NLGN1: variants seen among roughly 807,000 people sequenced by gnomAD.
NLGN1 encodes neuroligin 1, also known as neuroligin-1.
In NLGN1, 12 loss-of-function variants were observed where a neutral mutation model predicts 65.5. The ratio of observed to expected loss-of-function variants is 0.18; its 90% CI spans 0.12 to 0.30. The LOEUF (loss-of-function observed/expected upper bound fraction) is 0.30, where lower values mean the gene tolerates loss of function less well. Ranked by LOEUF, NLGN1 falls within the 10% of genes least tolerant of loss-of-function variation. NLGN1 has a pLI of 1.00. For synonymous variants in NLGN1, 350 were observed against 359.5 expected (o/e 0.97, Z 0.30); for missense variants, 750 against 1,007.1 (o/e 0.74, Z 3.46).
chr3:173,956,514 T>C lies in NLGN1; in HGVS notation c.646+148682T>C, dbSNP rs1410169253. On this transcript the variant is annotated intron_variant, in intron 4 of 6. Transcript: ENST00000457714. ...AAAATAAAATTTTATGTGTCCTAAA[T>C]TTAATTATATTTTATGAAACATTAA... 2.6e-5 allele frequency among the ~76,000 whole-genome samples: 4 copies of C among 152,308 alleles called. No homozygotes were observed. The East Asian group carries it at 7.7e-4, about 29-fold the overall frequency.
At chr3:173,720,699 C>G (rs559821809) in intron 3 of NLGN1, among the ~76,000 whole-genome samples, 6 of 152,116 alleles carry the variant, frequency 3.9e-5, no homozygotes, top group African/African-American at 1.4e-4. Flanking sequence ...TCTTAACTCT[C>G]CATTTGAATC....
intron 4 of NLGN1, among the ~76,000 whole-genome samples, chr3:174,190,402 T>A (rs893571017): frequency 6.6e-6 from 1 of 152,004 alleles, no homozygotes; most frequent in Admixed American, 6.6e-5. Context: ...CCTGGAGAAG[T>A]ACATTTATCA....
chr3:173,648,344 A>G lies in NLGN1; in HGVS notation c.493+43253A>G, dbSNP rs575315166. On this transcript the variant is annotated intron_variant, in intron 3 of 6. Coordinates refer to ENST00000457714, the Ensembl canonical transcript of NLGN1. ...AAAATAAAAACCAGTCAAAATATTTAAACAATGCTTCACCAAAGGAGATAA... is the reference window on the plus strand; with the variant it reads ...AAAATAAAAACCAGTCAAAATATTTGAACAATGCTTCACCAAAGGAGATAA... 5.3e-5 allele frequency among the ~76,000 whole-genome samples: 8 copies of G among 152,352 alleles called. No homozygotes were observed. The South Asian group carries it at 1.7e-3, about 32-fold the overall frequency.
At chr3:173,424,858 G>A (rs1228161238) in intron 1 of NLGN1, among the ~76,000 whole-genome samples, 1 of 152,138 alleles carries the variant, frequency 6.6e-6, no homozygotes, top group South Asian at 2.1e-4. Context: ...CTGTTACCCA[G>A]TTCCAAAATC....
the NLGN1 span, among the ~76,000 whole-genome samples, chr3:174,293,364 G>A: frequency 6.6e-6 from 1 of 151,270 alleles, no homozygotes; most frequent in Non-Finnish European, 1.5e-5. Context: ...AAAATAAATA[G>A]GATTGTAATA....
At chr3:173,615,072 C>T (rs1009627850) in intron 3 of NLGN1, among the ~76,000 whole-genome samples, 2 of 151,812 alleles carry the variant, frequency 1.3e-5, no homozygotes, top group Non-Finnish European at 2.9e-5. Flanking sequence ...TCTTTGGCCA[C>T]CTCCGCAGTT....
intron 4 of NLGN1, among the ~76,000 whole-genome samples, chr3:173,808,111 T>G (rs1717057615): frequency 6.6e-6 from 1 of 152,250 alleles, no homozygotes; most frequent in African/African-American, 2.4e-5. Flanking sequence ...GAAGAGTACA[T>G]CTTTGAACAA....
chr3:173,650,126 T>G (rs544542205), intron 3 of NLGN1, among the ~76,000 whole-genome samples: 1 of 147,612 alleles, frequency 6.8e-6, no homozygotes, highest in East Asian at 2.0e-4. Context: ...TTATCAACTT[T>G]CTTACAGTTT....
At chr3:173,858,161 A>G (rs1728356242) in intron 4 of NLGN1, among the ~76,000 whole-genome samples, 1 of 152,144 alleles carries the variant, frequency 6.6e-6, no homozygotes, top group South Asian at 2.1e-4. Context: ...CTTTGTTAGC[A>G]TCTTCACATG....
intron 4 of NLGN1, among the ~76,000 whole-genome samples, chr3:173,990,384 A>G (rs1036904201): frequency 6.6e-6 from 1 of 152,204 alleles, no homozygotes; most frequent in Non-Finnish European, 1.5e-5. Context: ...ACAAAAGGGT[A>G]AGCCAATAGT....
intron 2 of NLGN1, among the ~76,000 whole-genome samples, chr3:173,475,146 A>G (rs905806713): frequency 6.6e-6 from 1 of 152,194 alleles, no homozygotes; most frequent in African/African-American, 2.4e-5. Flanking sequence ...TGTCTTACTA[A>G]TTAATTTCCA....
chr3:174,247,177 G>A (rs1267528762), intron 4 of NLGN1, among the ~76,000 whole-genome samples: 2 of 152,078 alleles, frequency 1.3e-5, no homozygotes, highest in Non-Finnish European at 2.9e-5. Context: ...TTATTTTTTG[G>A]TGTTACTTGG....
intron 2 of NLGN1, among the ~76,000 whole-genome samples, chr3:173,457,273 G>T (rs1258844341): frequency 6.6e-6 from 1 of 151,960 alleles, no homozygotes; most frequent in African/African-American, 2.4e-5. Context: ...AGAATTAGGG[G>T]GAATAGTACC....
rs1441142532 is a variant in NLGN1, at chr3:173,751,484, T to C, written c.494-56196T>C. ...AAGTAAAAACATGTGAGTATAGCTA[T>C]TATTTCTCCCTAAATATAAGTGTGG... On this transcript the variant is annotated intron_variant, in intron 3 of 6. Coordinates refer to ENST00000457714, the Ensembl canonical transcript of NLGN1. Among the ~76,000 whole-genome samples the C allele has an allele frequency of 2.6e-5, 4 of 152,198 alleles. No individual in the cohort carries two copies. The South Asian group carries it at 8.3e-4, about 32-fold the overall frequency.
At chr3:173,554,733 A>G (rs564348662) in intron 2 of NLGN1, among the ~76,000 whole-genome samples, 16 of 152,276 alleles carry the variant, frequency 1.1e-4, no homozygotes, top group South Asian at 8.3e-4. Flanking sequence ...ATGAATTTTT[A>G]ATTTCTCTTC....
At chr3:173,804,247 A>G (rs1288172231) in intron 3 of NLGN1, among the ~76,000 whole-genome samples, 1 of 152,186 alleles carries the variant, frequency 6.6e-6, no homozygotes, top group Admixed American at 6.5e-5. Context: ...AATTATAAAC[A>G]TGCCTGACAA....
At chr3:174,138,875 AGGT>A (rs1264314535) in intron 4 of NLGN1, among the ~76,000 whole-genome samples, 1 of 152,138 alleles carries the variant, frequency 6.6e-6, no homozygotes, top group African/African-American at 2.4e-5. Context: ...AAAAGGGAAA[AGGT>A]GGTGCTGAAG....
rs542373197 is a variant in NLGN1, at chr3:173,532,762, A to C, written c.-320-71517A>C. ...TATTTGTATTGGACATTGTTGGTATAGGTTATGCCACAGTCATAATCACAA... is the reference window on the plus strand; with the variant it reads ...TATTTGTATTGGACATTGTTGGTATCGGTTATGCCACAGTCATAATCACAA... On this transcript the variant is annotated intron_variant, in intron 2 of 6. Transcript: ENST00000457714. Among the ~76,000 whole-genome samples the C allele has an allele frequency of 1.4e-4, 21 of 152,364 alleles. No homozygotes were observed. The South Asian group carries it at 4.3e-3, about 32-fold the overall frequency.
chr3:174,266,733 T>C (rs2041260296), intron 4 of NLGN1, among the ~76,000 whole-genome samples: 1 of 152,190 alleles, frequency 6.6e-6, no homozygotes, highest in African/African-American at 2.4e-5. Flanking sequence ...TTTGAACATA[T>C]GTATTTTGAG....
Sources: gnomAD v4.1 joint callset for allele counts (sites outside exome capture counted in the v4.1 genomes callset) on GRCh38, gnomAD v4.1.1 for gene constraint, MANE v1.5 for transcripts, NCBI Gene and HGNC (gene_info 2026-07-23, HGNC 2026-07-21) for gene names.